The following CACNA2D1 variants were observed in gnomAD, a reference collection of about 807,000 sequenced individuals.
The protein encoded by CACNA2D1 is voltage-dependent calcium channel subunit alpha-2/delta-1.
Under a neutral mutation model 171.5 loss-of-function variants are expected in CACNA2D1, and 53 were observed. The observed-to-expected ratio is 0.31, with a 90% CI of 0.25 to 0.39. The LOEUF (loss-of-function observed/expected upper bound fraction) is 0.39. Among genes scored for constraint, CACNA2D1 ranks in the 10% least tolerant of loss-of-function variants. The probability of loss-of-function intolerance (pLI) is 1.00; values close to 1 mark genes in which losing one functional copy is unlikely to be tolerated. For missense variants in CACNA2D1, 903 were observed against 1,299.8 expected (o/e 0.69, Z 4.69); for synonymous variants, 442 against 443.1 (o/e 1.00, Z 0.03).
intron 2 of CACNA2D1, among the ~76,000 whole-genome samples, chr7:82,347,933 A>G (rs1819427210): frequency 6.6e-6 from 1 of 152,144 alleles, no homozygotes; most frequent in African/African-American, 2.4e-5. Context: ...CTTTTTGGTT[A>G]ATGATTCATT....
chr7:82,006,114 C>T (rs1799091756), intron 16 of CACNA2D1, among the ~76,000 whole-genome samples: 1 of 151,858 alleles, frequency 6.6e-6, no homozygotes, highest in African/African-American at 2.4e-5. Flanking sequence ...TTCTTGTACC[C>T]TTTTCTTCTA....
intron 3 of CACNA2D1, among the ~76,000 whole-genome samples, chr7:82,316,631 A>G (rs1166266756): frequency 6.6e-6 from 1 of 152,224 alleles, no homozygotes; most frequent in Non-Finnish European, 1.5e-5. Context: ...TCTGTATATT[A>G]GTCTGTTCTC....
At chr7:82,150,450 T>C (rs3801745) in intron 4 of CACNA2D1, among the ~76,000 whole-genome samples, 65,338 of 149,480 alleles carry the variant, frequency 0.44, 16,222 homozygotes, top group African/African-American at 0.7. Flanking sequence ...TTGAAATCTC[T>C]AGTACATATT....
chr7:82,017,847 C>G (rs1338088623), intron 12 of CACNA2D1, among the ~76,000 whole-genome samples: 2 of 152,012 alleles, frequency 1.3e-5, no homozygotes, highest in African/African-American at 2.4e-5. Context: ...CTAAATATTT[C>G]ATCTTAACTC....
chr7:82,030,778 T>C (rs1483447729), intron 12 of CACNA2D1, among the ~76,000 whole-genome samples: 1 of 151,922 alleles, frequency 6.6e-6, no homozygotes, highest in Non-Finnish European at 1.5e-5. Flanking sequence ...TATAAGATGC[T>C]AAAAAGTCCC....
At chr7:82,065,143 C>G (rs145658798) in intron 8 of CACNA2D1, among the ~76,000 whole-genome samples, 3 of 152,130 alleles carry the variant, frequency 2.0e-5, no homozygotes, top group Admixed American at 6.5e-5. Flanking sequence ...GAAGCCATCA[C>G]TGTAAATGTA....
chr7:82,009,281 T>A (rs1584388734), intron 15 of CACNA2D1: 1 of 152,242 alleles, frequency 6.6e-6, no homozygotes, highest in East Asian at 1.9e-4. Context: ...ATTAAACCTT[T>A]TTTCTTTATA....
chr7:82,056,352 G>A (rs981036561), intron 10 of CACNA2D1, among the ~76,000 whole-genome samples: 2 of 152,156 alleles, frequency 1.3e-5, no homozygotes, highest in African/African-American at 4.8e-5. Flanking sequence ...AGCAACATGA[G>A]GATGGACCTA....
chr7:81,959,940 CAG>C, intron 36 of CACNA2D1, 111 bp from the exon 37 acceptor site: 2 of 1,472,832 alleles, frequency 1.4e-6, no homozygotes, highest in Non-Finnish European at 1.8e-6. Flanking sequence ...ACATCTGAAA[CAG>C]AAACCATTCC....
intron 4 of CACNA2D1, among the ~76,000 whole-genome samples, chr7:82,151,211 C>A (rs1409509835): frequency 6.6e-6 from 1 of 152,124 alleles, no homozygotes; most frequent in Non-Finnish European, 1.5e-5. Context: ...AAAGGGAATT[C>A]TGTGGACCAT....
chr7:82,252,452 A>C (rs901112430), intron 3 of CACNA2D1, among the ~76,000 whole-genome samples: 12 of 152,222 alleles, frequency 7.9e-5, no homozygotes, highest in African/African-American at 2.9e-4. Flanking sequence ...TGGCTCATTT[A>C]TTAAGCATAT....
intron 12 of CACNA2D1, among the ~76,000 whole-genome samples, chr7:82,022,335 G>C (rs183620024): frequency 6.6e-6 from 1 of 151,834 alleles, no homozygotes; most frequent in African/African-American, 2.4e-5. Flanking sequence ...CAGCTTCACA[G>C]TAACTCCAGA....
At chr7:82,408,316 C>T (rs1004080051) in intron 1 of CACNA2D1, among the ~76,000 whole-genome samples, 1 of 152,150 alleles carries the variant, frequency 6.6e-6, no homozygotes, top group Admixed American at 6.6e-5. Context: ...GACTCAGTGC[C>T]TGGCCTTTCC....
chr7:82,262,232 G>C (rs1335788056), intron 3 of CACNA2D1, among the ~76,000 whole-genome samples: 2 of 152,178 alleles, frequency 1.3e-5, no homozygotes, highest in African/African-American at 4.8e-5. Flanking sequence ...TCGGGAGGCT[G>C]AGGCAGGAGA....
At chr7:82,168,318 A>C (rs1243784196) in intron 4 of CACNA2D1, among the ~76,000 whole-genome samples, 1 of 151,912 alleles carries the variant, frequency 6.6e-6, no homozygotes, top group African/African-American at 2.4e-5. Context: ...TAATTTTTGT[A>C]TTTTTAGTGG....
chr7:82,052,235 G>T (rs1403815186), intron 10 of CACNA2D1, among the ~76,000 whole-genome samples: 1 of 152,140 alleles, frequency 6.6e-6, no homozygotes, highest in Non-Finnish European at 1.5e-5. Context: ...GTTAACTATA[G>T]AACCACTCCC....
intron 36 of CACNA2D1, among the ~76,000 whole-genome samples, chr7:81,960,655 A>G (rs1402980524): frequency 6.6e-6 from 1 of 152,116 alleles, no homozygotes. Context: ...AAAGCAAATC[A>G]AAAGGAAAGT....
At chr7:82,236,206 G>A (rs1482433845) in intron 3 of CACNA2D1, among the ~76,000 whole-genome samples, 1 of 151,906 alleles carries the variant, frequency 6.6e-6, no homozygotes, top group Admixed American at 6.6e-5. Flanking sequence ...CCAATAAATA[G>A]CGAATTATAG....
At chr7:82,185,178 T>C (rs916198906) in intron 3 of CACNA2D1, among the ~76,000 whole-genome samples, 16 of 152,020 alleles carry the variant, frequency 1.1e-4, no homozygotes, top group African/African-American at 3.1e-4. Context: ...ATGTGTCAAA[T>C]AACCAATTAA....
Sources: allele counts gnomAD v4.1 joint callset (sites outside exome capture counted in the v4.1 genomes callset), GRCh38; gene constraint gnomAD v4.1.1; transcripts MANE v1.5; gene names NCBI Gene and HGNC (gene_info 2026-07-23, HGNC 2026-07-21).